Variants in FMN1 observed in about 807,000 individuals in gnomAD.
FMN1 encodes formin-1.
FMN1 carries 110 observed loss-of-function variants against 132.4 expected under a neutral mutation model. The observed-to-expected ratio is 0.83, with a 90% CI of 0.71 to 0.97. FMN1 has a LOEUF of 0.97. Among genes scored for constraint, FMN1 ranks in the 50% least tolerant of loss-of-function variants. FMN1 has a pLI of 0.00. For synonymous variants in FMN1, 722 were observed against 651.7 expected, an observed-to-expected ratio of 1.11 and a Z score of -1.64; for missense variants, 1,792 against 1,705.3, an observed-to-expected ratio of 1.05 and a Z score of -0.90.
At chr15:32,842,662 A>T (rs997783545) in intron 17 of FMN1, among the ~76,000 whole-genome samples, 2 of 152,208 alleles carry the variant, frequency 1.3e-5, no homozygotes, top group Non-Finnish European at 2.9e-5. Flanking sequence ...GAAAAAGTTT[A>T]TCTGTACTAG....
At chr15:33,064,675 G>T in intron 6 of FMN1, 1 of 231,564 alleles carries the variant, frequency 4.3e-6, no homozygotes, top group Non-Finnish European at 8.4e-6. Flanking sequence ...GGCTTCCTGA[G>T]GGATTTGCAA....
intron 4 of FMN1, among the ~76,000 whole-genome samples, chr15:33,109,422 A>C (rs1169249561): frequency 6.6e-6 from 1 of 152,174 alleles, no homozygotes. Context: ...CACAATAGCA[A>C]AGACAGGGAA....
At chr15:33,060,814 T>C (rs2141226271) in intron 6 of FMN1, among the ~76,000 whole-genome samples, 1 of 152,368 alleles carries the variant, frequency 6.6e-6, no homozygotes. Flanking sequence ...AACTTTTTTC[T>C]TTCTCATTCT....
intron 9 of FMN1, among the ~76,000 whole-genome samples, chr15:32,939,189 A>C (rs1048773307): frequency 1.3e-5 from 2 of 152,214 alleles, no homozygotes; most frequent in Non-Finnish European, 2.9e-5. Context: ...CAGGCTCAAG[A>C]GTCCTGTAAA....
Position 32,888,211 on chromosome 15 carries a change from G to A in FMN1, c.3796C>T (p.Leu1266Phe), listed in dbSNP as rs1480251268. The A allele has an allele frequency of 2.5e-6, 4 of 1,612,712 alleles. No homozygotes were observed. The highest frequency in any genetic ancestry group is 1.7e-5 in the Admixed American group (1 of 59,896). ...FLASQVKFEDLIKDLRKLKRQ... is the reference protein window; with the variant it reads ...FLASQVKFEDFIKDLRKLKRQ... ...TTCAGTTTTCTCAAATCTTTTATGA[G>A]GTCTTCAAACTTGACTTGGGAGGCC... is the stretch of plus-strand genomic sequence containing the variant. Residue 1266 changes from leucine to phenylalanine, a missense_variant, in exon 16 of 21, where the codon CTC becomes TTC. Coordinates refer to ENST00000616417, the MANE Select transcript of FMN1 (RefSeq NM_001277313.2).
chr15:32,926,657 G>C (rs2060968947), intron 9 of FMN1, among the ~76,000 whole-genome samples: 1 of 152,150 alleles, frequency 6.6e-6, no homozygotes, highest in African/African-American at 2.4e-5. Flanking sequence ...AATCTTTTTA[G>C]TAATGTCATC....
intron 4 of FMN1, among the ~76,000 whole-genome samples, chr15:33,101,027 T>C (rs547023295): frequency 4.6e-4 from 70 of 152,334 alleles, no homozygotes; most frequent in African/African-American, 1.6e-3. Context: ...CTTTATATTT[T>C]TCTGTACTTT....
At chr15:33,130,118 C>T (rs1191012089) in intron 4 of FMN1, among the ~76,000 whole-genome samples, 2 of 152,192 alleles carry the variant, frequency 1.3e-5, no homozygotes, top group African/African-American at 2.4e-5. Context: ...AGGCATGAGC[C>T]ACAGCACCCA....
intron 7 of FMN1, among the ~76,000 whole-genome samples, chr15:32,987,661 G>A (rs2033155283): frequency 6.6e-6 from 1 of 152,134 alleles, no homozygotes; most frequent in Non-Finnish European, 1.5e-5. Context: ...CTCAACTGCA[G>A]TTGCCAAGTA....
At chr15:33,022,540 T>A (rs1003912909) in intron 6 of FMN1, among the ~76,000 whole-genome samples, 2 of 152,242 alleles carry the variant, frequency 1.3e-5, no homozygotes, top group African/African-American at 2.4e-5. Flanking sequence ...AAGGTTCACA[T>A]TTTTTAGCTC....
chr15:33,083,208 T>C (rs141476269), intron 5 of FMN1, among the ~76,000 whole-genome samples: 407 of 152,316 alleles, frequency 2.7e-3, no homozygotes, highest in African/African-American at 9.3e-3. Context: ...ATAAGAGCCA[T>C]AGAAGTAGTA....
intron 6 of FMN1, among the ~76,000 whole-genome samples, chr15:33,032,221 T>C (rs2035971916): frequency 6.6e-6 from 1 of 152,204 alleles, no homozygotes; most frequent in Non-Finnish European, 1.5e-5. Context: ...GAGGTTGATT[T>C]GGTAGCTGGC....
chr15:32,912,114 A>T (rs538084184), intron 10 of FMN1, among the ~76,000 whole-genome samples: 1 of 152,356 alleles, frequency 6.6e-6, no homozygotes, highest in African/African-American at 2.4e-5. Flanking sequence ...TTAACTAATC[A>T]TGCATCCTGG....
intron 17 of FMN1, among the ~76,000 whole-genome samples, chr15:32,851,940 G>C (rs2059018908): frequency 6.6e-6 from 1 of 152,228 alleles, no homozygotes. Flanking sequence ...TAGAGAATTA[G>C]CTTTCTTGCA....
At chr15:33,060,798 T>C (rs1446221435) in intron 6 of FMN1, among the ~76,000 whole-genome samples, 4 of 152,252 alleles carry the variant, frequency 2.6e-5, no homozygotes, top group African/African-American at 7.2e-5. Context: ...CGAGTGTTTT[T>C]CTTCAAACTT....
chr15:32,881,745 T>C (rs1020442705), intron 16 of FMN1, among the ~76,000 whole-genome samples: 2 of 152,134 alleles, frequency 1.3e-5, no homozygotes, highest in African/African-American at 2.4e-5. Flanking sequence ...GTCATTCGTT[T>C]TGCAGGGTCA....
chr15:32,792,463 C>CA (rs200895956), intron 19 of FMN1, among the ~76,000 whole-genome samples: 89 of 113,504 alleles, frequency 7.8e-4, no homozygotes, highest in Admixed American at 1.4e-3. Context: ...ATAAAACAAA[C>CA]AAACAAAAAA....
intron 9 of FMN1, among the ~76,000 whole-genome samples, chr15:32,951,002 T>C (rs1266835437): frequency 6.6e-6 from 1 of 152,158 alleles, no homozygotes; most frequent in African/African-American, 2.4e-5. Flanking sequence ...AGTCTTAATA[T>C]TGCTTGACTT....
At chr15:32,814,984 C>T (rs1280688850) in intron 17 of FMN1, among the ~76,000 whole-genome samples, 1 of 152,042 alleles carries the variant, frequency 6.6e-6, no homozygotes, top group African/African-American at 2.4e-5. Context: ...GCTCTGTCGC[C>T]CAGACTGGAG....
Sources: allele counts gnomAD v4.1 joint callset (sites outside exome capture counted in the v4.1 genomes callset), GRCh38; gene constraint gnomAD v4.1.1; transcripts MANE v1.5; gene names NCBI Gene and HGNC (gene_info 2026-07-23, HGNC 2026-07-21).